Variants in RPS6KC1 observed in about 807,000 individuals in gnomAD.
RPS6KC1 encodes the protein ribosomal protein S6 kinase C1.
In RPS6KC1, 54 loss-of-function variants were observed where a neutral mutation model predicts 103.8. The observed-to-expected ratio is 0.52, with a 90% CI of 0.42 to 0.65. The LOEUF is 0.65. RPS6KC1 is among the 30% of genes least tolerant of loss of function. The pLI is 0.00. For missense variants in RPS6KC1, 1,151 were observed against 1,253.8 expected, an observed-to-expected ratio of 0.92 and a Z score of 1.24; for synonymous variants, 439 against 438.7, an observed-to-expected ratio of 1.00 and a Z score of -0.01.
At chr1:213,472,573 C>T in the RPS6KC1 span, among the ~76,000 whole-genome samples, 1 of 152,114 alleles carries the variant, frequency 6.6e-6, no homozygotes, top group African/African-American at 2.4e-5. Context: ...TTTTTAGGGC[C>T]TTGGTTCTAT....
chr1:213,285,594 T>C, the RPS6KC1 span, among the ~76,000 whole-genome samples: 1 of 152,128 alleles, frequency 6.6e-6, no homozygotes, highest in East Asian at 1.9e-4. Context: ...CTTTTCTTAA[T>C]GGAGAAAGTA....
chr1:213,699,218 A>G, the RPS6KC1 span, among the ~76,000 whole-genome samples: 3 of 151,852 alleles, frequency 2.0e-5, no homozygotes, highest in Non-Finnish European at 4.4e-5. Flanking sequence ...CCCCACTCCC[A>G]TTTCCAACCT....
chr1:213,621,794 A>G, the RPS6KC1 span, among the ~76,000 whole-genome samples: 1 of 152,120 alleles, frequency 6.6e-6, no homozygotes, highest in Admixed American at 6.5e-5. Context: ...CCTTCTGAAC[A>G]CAAGCCCTAG....
the RPS6KC1 span, among the ~76,000 whole-genome samples, chr1:213,357,415 G>T: frequency 6.6e-6 from 1 of 152,240 alleles, no homozygotes; most frequent in South Asian, 2.1e-4. Context: ...GGGTAAGGAT[G>T]TTGGAATGAC....
At chr1:213,375,106 CATATACTTAT>C in the RPS6KC1 span, among the ~76,000 whole-genome samples, 2 of 151,314 alleles carry the variant, frequency 1.3e-5, no homozygotes, top group Admixed American at 6.6e-5. Context: ...TATATAAACA[CATATACTTAT>C]ATATACACAT....
At chr1:213,423,189 T>G in the RPS6KC1 span, among the ~76,000 whole-genome samples, 1 of 152,204 alleles carries the variant, frequency 6.6e-6, no homozygotes, top group Admixed American at 6.5e-5. Context: ...TTGTTTTTCT[T>G]TTGTTCGGAG....
chr1:213,563,489 G>T, the RPS6KC1 span, among the ~76,000 whole-genome samples: 2 of 142,664 alleles, frequency 1.4e-5, no homozygotes, highest in East Asian at 2.1e-4. Context: ...CAAAGATTTT[G>T]TTTCCCACTT....
chr1:213,799,464 G>A, the RPS6KC1 span, among the ~76,000 whole-genome samples: 2 of 152,132 alleles, frequency 1.3e-5, no homozygotes, highest in Admixed American at 6.5e-5. Context: ...TGGGCTGGAC[G>A]CTGGCTAACA....
the RPS6KC1 span, among the ~76,000 whole-genome samples, chr1:213,686,699 G>A: frequency 6.6e-6 from 1 of 152,104 alleles, no homozygotes; most frequent in African/African-American, 2.4e-5. Context: ...CCTGAGAGAG[G>A]GTTCTTGGAT....
chr1:213,156,956 T>G (rs1029275979), intron 6 of RPS6KC1, among the ~76,000 whole-genome samples: 8 of 152,158 alleles, frequency 5.3e-5, no homozygotes, highest in Non-Finnish European at 1.2e-4. Context: ...TTTTATATGG[T>G]TTGCTTTAAT....
the RPS6KC1 span, among the ~76,000 whole-genome samples, chr1:213,697,529 A>G: frequency 6.6e-5 from 10 of 152,320 alleles, no homozygotes; most frequent in South Asian, 1.9e-3. Context: ...ACTTCCATGT[A>G]CTTCAGATTG....
intron 3 of RPS6KC1, among the ~76,000 whole-genome samples, chr1:213,093,832 A>G (rs1005854449): frequency 6.6e-6 from 1 of 152,162 alleles, no homozygotes; most frequent in African/African-American, 2.4e-5. Flanking sequence ...GTTAGCTATT[A>G]TCTGTTACTC....
At chr1:213,746,473 A>G in the RPS6KC1 span, among the ~76,000 whole-genome samples, 3 of 152,180 alleles carry the variant, frequency 2.0e-5, no homozygotes, top group African/African-American at 4.8e-5. Context: ...TGAGTCATGG[A>G]TAAAGCCAGA....
the RPS6KC1 span, among the ~76,000 whole-genome samples, chr1:213,512,158 C>T: frequency 6.6e-6 from 1 of 152,186 alleles, no homozygotes; most frequent in African/African-American, 2.4e-5. Context: ...ATCTTCATTC[C>T]TGATTGATTT....
intron 8 of RPS6KC1, among the ~76,000 whole-genome samples, chr1:213,210,104 G>T (rs1050552038): frequency 6.6e-6 from 1 of 152,052 alleles, no homozygotes; most frequent in African/African-American, 2.4e-5. Context: ...CCTGTATGTT[G>T]TACCAACCTC....
the RPS6KC1 span, among the ~76,000 whole-genome samples, chr1:213,566,472 T>G: frequency 4.0e-5 from 3 of 74,272 alleles, no homozygotes; most frequent in African/African-American, 1.3e-4. Flanking sequence ...TTTTTTTTTT[T>G]TTTTTTTTTT....
chr1:213,601,854 T>C, the RPS6KC1 span, among the ~76,000 whole-genome samples: 1 of 151,960 alleles, frequency 6.6e-6, no homozygotes, highest in African/African-American at 2.4e-5. Context: ...TTATTATTCT[T>C]TTTTTCCTTC....
chr1:213,077,641 C>G, intron 2 of RPS6KC1, 55 bp from the exon 3 acceptor site: 1 of 1,126,870 alleles, frequency 8.9e-7, no homozygotes, highest in East Asian at 2.7e-5. Flanking sequence ...ATTTGTTGTT[C>G]AGATATCTGA....
rs878925339 is a variant in RPS6KC1, at chr1:213,239,289, G to T, written c.1226-1413G>T. On this transcript the variant is annotated intron_variant, in intron 10 of 14. Transcript: ENST00000366960. ...GGAGGTGGAGGCTTCAGTGAGCTGA[G>T]ATCCCACCACTGCACTCCAGTCTGG... 2.0e-5 allele frequency among the ~76,000 whole-genome samples: 3 copies of T among 151,810 alleles called. No homozygotes were observed. The East Asian group carries it at 5.8e-4, about 29-fold the overall frequency.
Sources: gnomAD v4.1 joint callset for allele counts (sites outside exome capture counted in the v4.1 genomes callset) on GRCh38, gnomAD v4.1.1 for gene constraint, MANE v1.5 for transcripts, NCBI Gene and HGNC (gene_info 2026-07-23, HGNC 2026-07-21) for gene names.